The following CALCRL variants were observed in gnomAD, a reference collection of about 807,000 sequenced individuals.
The protein encoded by CALCRL is calcitonin gene-related peptide type 1 receptor.
A neutral mutation model predicts 60.4 loss-of-function variants in CALCRL; 27 were observed. The ratio of observed to expected loss-of-function variants is 0.45; its 90% CI spans 0.33 to 0.62. CALCRL has a LOEUF of 0.62. Ranked by LOEUF, CALCRL falls within the 20% of genes least tolerant of loss-of-function variation. The pLI is 0.03. For synonymous variants in CALCRL, 190 were observed against 182.6 expected, an observed-to-expected ratio of 1.04 and a Z score of -0.33; for missense variants, 424 against 540.7, an observed-to-expected ratio of 0.78 and a Z score of 2.14.
chr2:187,392,048 CA>C (rs1435750800), intron 1 of CALCRL, among the ~76,000 whole-genome samples: 1 of 151,962 alleles, frequency 6.6e-6, no homozygotes, highest in Non-Finnish European at 1.5e-5. Flanking sequence ...TATAAGAACA[CA>C]AAAAAACATA....
intron 1 of CALCRL, among the ~76,000 whole-genome samples, chr2:187,399,648 TAAAAAG>T (rs904990945): frequency 4.0e-5 from 6 of 151,184 alleles, no homozygotes; most frequent in Non-Finnish European, 5.9e-5. Context: ...TGCTCAATAA[TAAAAAG>T]AAAAACAACC....
chr2:187,429,611 C>G (rs1028399479), intron 1 of CALCRL, among the ~76,000 whole-genome samples: 1 of 152,146 alleles, frequency 6.6e-6, no homozygotes, highest in Non-Finnish European at 1.5e-5. Context: ...AAACTGCAAT[C>G]ATAGTTCTCA....
chr2:187,352,311 T>C lies in CALCRL; in HGVS notation c.931A>G (p.Asn311Asp). 6.2e-7 allele frequency: 1 copy of C among 1,608,334 alleles called. No individual in the cohort carries two copies. The highest frequency in any genetic ancestry group is 8.5e-7 in the Non-Finnish European group (1 of 1,176,192). ...ALLVNLFFLL[N>D]IVRVLITKLK... ...TTGGTGATGAGAACGCGTACAATAT[T>C]TAACAAGAAAAAAAGATTCACCTAA... Residue 311 changes from asparagine to aspartate, a missense_variant, in exon 13 of 15, where the codon AAT becomes GAT. Coordinates refer to ENST00000392370, the MANE Select transcript of CALCRL (RefSeq NM_005795.6).
intron 1 of CALCRL, among the ~76,000 whole-genome samples, chr2:187,436,279 T>A (rs1014539633): frequency 2.0e-5 from 3 of 152,126 alleles, no homozygotes; most frequent in Non-Finnish European, 4.4e-5. Context: ...AAGCATCATC[T>A]CCATCTGTCC....
At chr2:187,392,715 TA>T (rs1045315317) in intron 1 of CALCRL, among the ~76,000 whole-genome samples, 5 of 152,116 alleles carry the variant, frequency 3.3e-5, no homozygotes, top group African/African-American at 4.8e-5. Flanking sequence ...TATTTATTAT[TA>T]TTTTTTTAGA....
At position 187,424,352 on chromosome 2, in the gene CALCRL, A is replaced by C. The variant is rs74317757; in HGVS notation, c.-293+23687T>G. 1.3e-3 allele frequency among the ~76,000 whole-genome samples: 203 copies of C among 152,158 alleles called. 6 individuals are homozygous for C. In the East Asian group the frequency reaches 0.036, roughly 27 times the overall value. Reference sequence around the variant, plus strand: ...TACAGCAATGTGAGAGAGCGAGTACATTTAGCCACAGCAGGAACTTCCCAT... The same window carrying C: ...TACAGCAATGTGAGAGAGCGAGTACCTTTAGCCACAGCAGGAACTTCCCAT... On this transcript the variant is annotated intron_variant, in intron 1 of 14. Transcript: ENST00000392370.
intron 1 of CALCRL, among the ~76,000 whole-genome samples, chr2:187,411,669 G>A (rs913995918): frequency 3.9e-5 from 6 of 152,084 alleles, no homozygotes; most frequent in African/African-American, 9.7e-5. Flanking sequence ...TTGTGACAGA[G>A]ACAGGAGAAG....
chr2:187,447,696 C>G (rs1691257198), intron 1 of CALCRL, among the ~76,000 whole-genome samples: 1 of 151,838 alleles, frequency 6.6e-6, no homozygotes. Context: ...AAATGTTTTC[C>G]AGTTGTCAAG....
At chr2:187,367,418 TATG>T (rs1687345742) in intron 8 of CALCRL, among the ~76,000 whole-genome samples, 1 of 152,032 alleles carries the variant, frequency 6.6e-6, no homozygotes, top group African/African-American at 2.4e-5. Context: ...CTAAGTAACA[TATG>T]GTTTCTATCA....
chr2:187,444,715 A>G (rs1441485424), intron 1 of CALCRL, among the ~76,000 whole-genome samples: 3 of 151,538 alleles, frequency 2.0e-5, no homozygotes, highest in Non-Finnish European at 4.4e-5. Context: ...ATATTTTTGT[A>G]AGAAGAAGTA....
intron 9 of CALCRL, among the ~76,000 whole-genome samples, 200 bp downstream of exon 9, chr2:187,363,176 A>G (rs1185902991): frequency 6.6e-6 from 1 of 152,170 alleles, no homozygotes; most frequent in African/African-American, 2.4e-5. Flanking sequence ...TCTGTAGAGT[A>G]TATGTAGCTA....
chr2:187,359,140 C>CATTAA lies in CALCRL; in HGVS notation c.843-12_843-11insTTAAT. ...GAACTGATCCAGCAACTAGAGAAAA[C>CATTAA]ATAATAACATTATGTTGAAAATTTT... On this transcript the variant is annotated splice_polypyrimidine_tract_variant and intron_variant, in intron 11 of 14. Coordinates refer to ENST00000392370, the MANE Select transcript of CALCRL (RefSeq NM_005795.6). 6.2e-7 allele frequency: 1 copy of CATTAA among 1,610,358 alleles called. No individual in the cohort carries two copies. The highest frequency in any genetic ancestry group is 8.5e-7 in the Non-Finnish European group (1 of 1,177,140).
chr2:187,394,177 C>G (rs1157699), intron 1 of CALCRL, among the ~76,000 whole-genome samples: 2 of 151,770 alleles, frequency 1.3e-5, no homozygotes, highest in African/African-American at 4.8e-5. Flanking sequence ...TGCTGTGGAG[C>G]CCACATGCAA....
At chr2:187,396,220 C>A (rs1184372308) in intron 1 of CALCRL, among the ~76,000 whole-genome samples, 2 of 151,756 alleles carry the variant, frequency 1.3e-5, no homozygotes, top group Non-Finnish European at 2.9e-5. Flanking sequence ...TTATCTTGCT[C>A]TCACCTCTTC....
intron 1 of CALCRL, among the ~76,000 whole-genome samples, chr2:187,414,142 G>A (rs1360015173): frequency 6.6e-6 from 1 of 152,024 alleles, no homozygotes; most frequent in African/African-American, 2.4e-5. Flanking sequence ...TCTAACAGGA[G>A]GAAAGGAAAG....
At chr2:187,387,956 T>C (rs192695128) in intron 1 of CALCRL, among the ~76,000 whole-genome samples, 200 bp from the exon 2 acceptor site, 1 of 152,110 alleles carries the variant, frequency 6.6e-6, no homozygotes, top group Non-Finnish European at 1.5e-5. Context: ...GATGTTTCAA[T>C]ATGAATTATA....
intron 1 of CALCRL, among the ~76,000 whole-genome samples, chr2:187,409,651 G>A (rs1435853704): frequency 1.3e-5 from 2 of 152,176 alleles, no homozygotes; most frequent in Non-Finnish European, 2.9e-5. Context: ...GCAGGCCCTT[G>A]TGAAACTATA....
chr2:187,372,318 AT>A (rs35705097), intron 8 of CALCRL, among the ~76,000 whole-genome samples: 244 of 147,760 alleles, frequency 1.7e-3, no homozygotes, highest in African/African-American at 4.0e-3. Flanking sequence ...AGTAGAGTTT[AT>A]TTTTTTTTTT....
chr2:187,446,298 T>TA (rs1393737794), intron 1 of CALCRL, among the ~76,000 whole-genome samples: 3 of 151,732 alleles, frequency 2.0e-5, no homozygotes, highest in African/African-American at 7.2e-5. Context: ...AATACAATAA[T>TA]ATGAATTTTT....
Sources: allele counts gnomAD v4.1 joint callset (sites outside exome capture counted in the v4.1 genomes callset), GRCh38; gene constraint gnomAD v4.1.1; transcripts MANE v1.5; gene names NCBI Gene and HGNC (gene_info 2026-07-23, HGNC 2026-07-21).